Variants in MROH2A observed in about 807,000 individuals in gnomAD.
MROH2A encodes the protein maestro heat like repeat family member 2A.
In MROH2A, 174 loss-of-function variants were observed where a neutral mutation model predicts 200.4. That is an observed-to-expected ratio of 0.87 (90% CI 0.77 to 0.98). The LOEUF (loss-of-function observed/expected upper bound fraction) is 0.98. Ranked by LOEUF, MROH2A falls within the 50% of genes least tolerant of loss-of-function variation. The probability of loss-of-function intolerance (pLI) is 0.00; values close to 1 mark genes in which losing one functional copy is unlikely to be tolerated. For synonymous variants in MROH2A, 829 were observed against 840.4 expected, an observed-to-expected ratio of 0.99 and a Z score of 0.23; for missense variants, 2,045 against 2,139.6, an observed-to-expected ratio of 0.96 and a Z score of 0.87.
rs570212300 is a variant in MROH2A, at chr2:233,779,195, C to T, written c.-14-150C>T. 6 of 617,596 alleles carry T rather than the reference C, an allele frequency of 9.7e-6. No individual in the cohort carries two copies. The South Asian group carries it at 1.2e-4, about 12-fold the overall frequency. The allele number at this position is 617,596 out of a possible 1,614,324, so 38.3% of individuals were successfully genotyped here. A position where few individuals can be genotyped will look rare whatever the true frequency, so the allele number is the denominator to read the frequency against. On this transcript the variant is annotated intron_variant, in intron 1 of 41. Coordinates refer to ENST00000389758, the MANE Select transcript of MROH2A (RefSeq NM_001394639.1). ...CCACTCGAGAGAGGGTCACCCATCA[C>T]CTTTGCCATATTCTGTTGATTAGAA...
intron 5 of MROH2A, among the ~76,000 whole-genome samples, chr2:233,791,173 A>G (rs990730569): frequency 2.0e-5 from 3 of 152,200 alleles, no homozygotes; most frequent in African/African-American, 7.2e-5. Flanking sequence ...CACCTCGGGC[A>G]CTAGGAAGCT....
chr2:233,782,567 A>G (rs1700999774), intron 3 of MROH2A, among the ~76,000 whole-genome samples: 1 of 152,230 alleles, frequency 6.6e-6, no homozygotes. Flanking sequence ...TTAATTTTGT[A>G]ATCTGCAACT....
chr2:233,796,623 C>A (rs1702128596), intron 11 of MROH2A, among the ~76,000 whole-genome samples: 1 of 152,086 alleles, frequency 6.6e-6, no homozygotes, highest in Admixed American at 6.6e-5. Context: ...ACTCTGAAGC[C>A]CCGTGGACTC....
chr2:233,779,766 C>T lies in MROH2A; in HGVS notation c.190C>T (p.Leu64=), dbSNP rs1287521749. The T allele has an allele frequency of 1.3e-6, 2 of 1,550,930 alleles. 1 individual carries two copies. The highest frequency in any genetic ancestry group is 3.3e-4 in the Middle Eastern group (2 of 5,986). Residue 64 remains leucine, a synonymous_variant, in exon 3 of 42, where the codon CTG becomes TTG. Coordinates refer to ENST00000389758, the MANE Select transcript of MROH2A (RefSeq NM_001394639.1). ...GGCAGGCCTTGACATGCGGAAGACC[C>T]TGGCCTCGGTGATAATCATGGAGAA... ...TGAGLDMRKT[L]ASVIIMEKAT... is the part of the protein sequence containing the mutation.
At chr2:233,791,842 T>C (rs1056162760) in intron 5 of MROH2A, among the ~76,000 whole-genome samples, 19 of 151,368 alleles carry the variant, frequency 1.3e-4, no homozygotes, top group Admixed American at 5.9e-4. Flanking sequence ...AAGGCCTGGA[T>C]GGAGTGGGAG....
Position 233,833,160 on chromosome 2 carries a change from C to T in MROH2A, c.4926C>T (p.Asp1642=). The change falls in exon 42 of 42, where the codon GAC becomes GAT. Residue 1642 remains aspartate, a synonymous_variant. Transcript: ENST00000389758. ...LRNSLQELQL[D]PDPGVRRAAL... ...CAGCCCTCCAGGAACTACAGCTGGA[C>T]CCGGATCCCGGGGTCAGGAGGGCAG... 1 of 1,549,036 alleles carries T rather than the reference C, an allele frequency of 6.5e-7. No individual in the cohort carries two copies. The highest frequency in any genetic ancestry group is 1.2e-5 in the South Asian group (1 of 83,802).
chr2:233,801,799 G>A (rs985186380), intron 14 of MROH2A, among the ~76,000 whole-genome samples: 13 of 152,182 alleles, frequency 8.5e-5, no homozygotes, highest in Non-Finnish European at 1.5e-5. Context: ...GTCATACCAG[G>A]CATGCACAAC....
intron 41 of MROH2A, 121 bp from the exon 42 acceptor site, chr2:233,833,017 G>T: frequency 8.1e-7 from 1 of 1,231,514 alleles, no homozygotes; most frequent in Admixed American, 3.0e-5. Flanking sequence ...CCACACAGGA[G>T]TTTCCCCGTC....
intron 5 of MROH2A, 137 bp downstream of exon 5, chr2:233,790,151 A>AT: frequency 1.2e-6 from 1 of 847,048 alleles, no homozygotes; most frequent in Non-Finnish European, 1.7e-6. Flanking sequence ...AAATTGATTC[A>AT]TTTTGTGTCT....
chr2:233,782,632 T>C (rs1701001826), intron 3 of MROH2A, among the ~76,000 whole-genome samples: 1 of 152,250 alleles, frequency 6.6e-6, no homozygotes, highest in African/African-American at 2.4e-5. Context: ...TTTGTATTTT[T>C]CTAGTATGAG....
At chr2:233,805,208 C>T in intron 19 of MROH2A, 97 bp downstream of exon 19, 1 of 796,096 alleles carries the variant, frequency 1.3e-6, no homozygotes, top group Non-Finnish European at 2.0e-6. Flanking sequence ...ATCAGCTGGA[C>T]CTGTGGCTGT....
rs750744499 is a variant in MROH2A, at chr2:233,793,765, A to G, written c.763A>G (p.Lys255Glu). ...GATGACTGAGGAGGAGTTTGCCCTG[A>G]AGGTGTTCCCCATGTATCGCTACTT... ...PVMTEEEFALKVFPMYRYFVT... is the reference protein window; with the variant it reads ...PVMTEEEFALEVFPMYRYFVT... Residue 255 changes from lysine (K) to glutamate (E), a missense_variant, in exon 7 of 42, where the codon AAG (lysine) becomes GAG (glutamate). Around this residue, in one of 3 missense-constraint regions of MROH2A, gnomAD observed 831 missense variants for 800.0 expected, o/e 1.04. Coordinates refer to ENST00000389758, the MANE Select transcript of MROH2A (RefSeq NM_001394639.1). 2 of 1,495,750 alleles carry G rather than the reference A, an allele frequency of 1.3e-6. No individual in the cohort carries two copies. The highest frequency in any genetic ancestry group is 1.8e-6 in the Non-Finnish European group (2 of 1,119,932). The allele number at this position is 1,495,750 out of a possible 1,614,324, so 92.7% of individuals were successfully genotyped here.
chr2:233,807,567 T>C lies in MROH2A; in HGVS notation c.2172+25T>C. 1 of 1,549,854 alleles carries C rather than the reference T, an allele frequency of 6.5e-7. No individual in the cohort carries two copies. The highest frequency in any genetic ancestry group is 8.7e-7 in the Non-Finnish European group (1 of 1,146,682). ...GGTGAGGGTGCCTGCAGCCTCCTCC[T>C]GTCCACCAGATGCCTCTGGACCCTC... On this transcript the variant is annotated intron_variant, in intron 20 of 41. Coordinates refer to ENST00000389758, the MANE Select transcript of MROH2A (RefSeq NM_001394639.1). This position sits in a 1 kb window ranked among gnomAD's most constrained non-coding sequence, Gnocchi z 4.3.
In MROH2A at chr2:233,793,497, C is replaced by G. The variant is rs568413093; in HGVS notation, c.671-176C>G. ...GACACCCCCGAGTGCTCAGTTCTCA[C>G]ACACACAGGCACGCAGAGTAAAAAT... On this transcript the variant is annotated intron_variant, in intron 6 of 41. Coordinates refer to ENST00000389758, the MANE Select transcript of MROH2A (RefSeq NM_001394639.1). Among the ~76,000 whole-genome samples, 87 of 152,296 alleles carry G rather than the reference C, an allele frequency of 5.7e-4. 1 individual carries two copies. The highest frequency in any genetic ancestry group is 2.0e-3 in the African/African-American group (83 of 41,556).
upstream of MROH2A, among the ~76,000 whole-genome samples, chr2:233,776,719 C>G (rs974902164): frequency 6.6e-6 from 1 of 152,004 alleles, no homozygotes; most frequent in Non-Finnish European, 1.5e-5. Context: ...TAAAAATGAC[C>G]CCTTTCTCCA....
At chr2:233,779,125 T>G (rs1271669256) in intron 1 of MROH2A, among the ~76,000 whole-genome samples, 1 of 152,226 alleles carries the variant, frequency 6.6e-6, no homozygotes, top group Non-Finnish European at 1.5e-5. Context: ...TGGCATAGTG[T>G]GATCATGGGA....
chr2:233,786,088 T>G (rs1208948407), intron 3 of MROH2A, among the ~76,000 whole-genome samples: 1 of 152,170 alleles, frequency 6.6e-6, no homozygotes, highest in Admixed American at 6.5e-5. Context: ...CGAGATCTGA[T>G]GGTTTTATAA....
intron 19 of MROH2A, among the ~76,000 whole-genome samples, chr2:233,805,640 C>T (rs1702744661): frequency 6.6e-6 from 1 of 152,162 alleles, no homozygotes; most frequent in South Asian, 2.1e-4. Context: ...ACTCAAACTT[C>T]TCAATTTCAA....
Position 233,818,008 on chromosome 2 carries a change from C to G in MROH2A, c.2968C>G (p.Leu990Val). The G allele has an allele frequency of 6.4e-6, 10 of 1,550,936 alleles. No individual in the cohort carries two copies. Among genetic ancestry groups the G allele is most frequent in the Non-Finnish European group, 8.7e-6 (10 of 1,147,066 alleles). The part of the protein sequence containing the change: ...YVHSTAVCIH[L>V]KLGQFGTMVG... ...ACGGTCTCCTGTCCCTCAGATCCAC[C>G]TAAAGCTGGGGCAGTTTGGCACAAT... Residue 990 changes from leucine (L) to valine (V), a missense_variant, in exon 28 of 42, where the codon CTA becomes GTA. Around this residue, in one of 3 missense-constraint regions of MROH2A, gnomAD observed 1,201 missense variants for 1,311.3 expected, o/e 0.92. Coordinates refer to ENST00000389758, the MANE Select transcript of MROH2A (RefSeq NM_001394639.1).
Sources: gnomAD v4.1 joint callset for allele counts (sites outside exome capture counted in the v4.1 genomes callset) on GRCh38, gnomAD v4.1.1 for gene constraint, gnomAD v4.1.1 regional missense constraint, Gnocchi (gnomAD v3.1) non-coding constraint, MANE v1.5 for transcripts, NCBI Gene and HGNC (gene_info 2026-07-23, HGNC 2026-07-21) for gene names.